AATF: variants seen among roughly 807,000 people sequenced by gnomAD.
AATF encodes apoptosis antagonizing transcription factor.
AATF carries 48 observed loss-of-function variants against 63.7 expected under a neutral mutation model. The observed-to-expected ratio is 0.75, with a 90% CI of 0.60 to 0.96. The LOEUF (loss-of-function observed/expected upper bound fraction) is 0.96, where lower values mean the gene tolerates loss of function less well. AATF is among the 40% of genes least tolerant of loss of function. The pLI, the probability that AATF is intolerant of heterozygous loss-of-function variation, is 0.00. For missense variants in AATF, 639 were observed against 685.7 expected (o/e 0.93, Z 0.76); for synonymous variants, 258 against 247.7 (o/e 1.04, Z -0.39).
chr17:37,006,763 A>G (rs1304295472), intron 8 of AATF, among the ~76,000 whole-genome samples: 1 of 152,264 alleles, frequency 6.6e-6, no homozygotes, highest in Non-Finnish European at 1.5e-5. Flanking sequence ...GTGAAATATT[A>G]TGGCCTTTGA....
chr17:37,029,098 C>G lies in AATF; in HGVS notation c.1548-2516C>G, dbSNP rs546929653. 2.0e-5 allele frequency among the ~76,000 whole-genome samples: 3 copies of G among 152,284 alleles called. No individual in the cohort carries two copies. In the South Asian group the frequency reaches 6.2e-4, roughly 32 times the overall value. On this transcript the variant is annotated intron_variant, in intron 10 of 11. Transcript: ENST00000619387. ...TGAGCCATGATCACACCACTGCACT[C>G]CAGCCTGAGCTACAAAGCCCAGACC...
chr17:37,019,746 C>T (rs1038413950), intron 9 of AATF, among the ~76,000 whole-genome samples: 1 of 152,138 alleles, frequency 6.6e-6, no homozygotes, highest in African/African-American at 2.4e-5. Context: ...GCAGAGCAGC[C>T]ATTCGAGAAA....
chr17:37,056,338 T>G lies in AATF; in HGVS notation c.1620-263T>G, dbSNP rs143199905. ...ATCTTGTTTTCTTACTTGAAGAGCC[T>G]GTCTGCAAAGGGCAAACTTACAGAA... On this transcript the variant is annotated intron_variant, in intron 11 of 11. Transcript: ENST00000619387. The G allele has an allele frequency of 1.9e-3, 908 of 466,572 alleles. 2 individuals are homozygous for G. The highest frequency in any genetic ancestry group is 0.016 in the African/African-American group (810 of 51,204). The allele number at this position is 466,572 out of a possible 1,614,324, so 28.9% of individuals were successfully genotyped here.
chr17:37,010,867 G>GA (rs1252577054), intron 8 of AATF, among the ~76,000 whole-genome samples: 4 of 152,242 alleles, frequency 2.6e-5, no homozygotes, highest in African/African-American at 4.8e-5. Flanking sequence ...CTGCAGCACA[G>GA]AGGCGGAAGG....
Position 37,056,799 on chromosome 17 carries a change from T to G in AATF, c.*135T>G, listed in dbSNP as rs1419041380. 1 of 939,024 alleles carries G rather than the reference T, an allele frequency of 1.1e-6. No homozygotes were observed. Among genetic ancestry groups the G allele is most frequent in the Non-Finnish European group, 1.6e-6 (1 of 626,044 alleles). The allele number at this position is 939,024 out of a possible 1,614,324, so 58.2% of individuals were successfully genotyped here. A position where few individuals can be genotyped will look rare whatever the true frequency, so the allele number is the denominator to read the frequency against. ...AGATGCTGCGTTCCGAACCTGTGCCTAATACACGCAAGGGCGCTGTCCCGC... is the reference window on the plus strand; with the variant it reads ...AGATGCTGCGTTCCGAACCTGTGCCGAATACACGCAAGGGCGCTGTCCCGC... On this transcript the variant is annotated 3_prime_UTR_variant, in exon 12 of 12. Transcript: ENST00000619387.
intron 8 of AATF, among the ~76,000 whole-genome samples, chr17:37,015,541 G>A (rs1043376852): frequency 2.6e-5 from 4 of 152,222 alleles, no homozygotes; most frequent in East Asian, 1.9e-4. Flanking sequence ...TTAGAGGGAC[G>A]CCTAATCCCA....
At chr17:37,030,079 G>A (rs2071541420) in intron 10 of AATF, among the ~76,000 whole-genome samples, 1 of 151,236 alleles carries the variant, frequency 6.6e-6, no homozygotes, top group African/African-American at 2.4e-5. Flanking sequence ...TTTTTTTCTG[G>A]GTTGGTGTGG....
At chr17:37,014,802 A>G (rs1166874236) in intron 8 of AATF, among the ~76,000 whole-genome samples, 1 of 152,214 alleles carries the variant, frequency 6.6e-6, no homozygotes, top group Non-Finnish European at 1.5e-5. Flanking sequence ...TGTCTTGCAA[A>G]TAAGCAAGGG....
chr17:36,959,372 G>A (rs1025775962), intron 4 of AATF, among the ~76,000 whole-genome samples: 1 of 152,192 alleles, frequency 6.6e-6, no homozygotes, highest in African/African-American at 2.4e-5. Flanking sequence ...GAACCCAGGA[G>A]GCAGAGGTTA....
rs533119072 is a variant in AATF at position 37,010,486 on chromosome 17, C to T, written c.1399-8519C>T. ...AAAATTATTATTATTATTATTTTCC[C>T]CTCTGTGTATATATGGAGCTCCTTC... On this transcript the variant is annotated intron_variant, in intron 8 of 11. Coordinates refer to ENST00000619387, the MANE Select transcript of AATF (RefSeq NM_012138.4). 1.2e-4 allele frequency among the ~76,000 whole-genome samples: 18 copies of T among 152,118 alleles called. No homozygotes were observed. In the South Asian group the frequency reaches 3.3e-3, roughly 28 times the overall value.
At chr17:37,022,976 T>A (rs1295985868) in intron 10 of AATF, among the ~76,000 whole-genome samples, 2 of 152,186 alleles carry the variant, frequency 1.3e-5, no homozygotes, top group Non-Finnish European at 2.9e-5. Flanking sequence ...TAATAGTACT[T>A]CATAGGTGAC....
chr17:36,951,063 C>T (rs2070851191), intron 2 of AATF, among the ~76,000 whole-genome samples: 1 of 152,108 alleles, frequency 6.6e-6, no homozygotes, highest in South Asian at 2.1e-4. Context: ...CCTTCTCTTC[C>T]CTGCAAAAGA....
chr17:36,950,304 C>T lies in AATF; in HGVS notation c.182C>T (p.Ser61Leu), dbSNP rs1234720643. 2.5e-6 allele frequency: 4 copies of T among 1,614,060 alleles called. No individual in the cohort carries two copies. The African/African-American group carries it at 4.0e-5, about 16-fold the overall frequency. ...GTGGGTAGCATTAGAAAACTGGCAT[C>T]AGCCTCCCTCTTGGACACGGACAAA... ...LVVGSIRKLA[S>L]ASLLDTDKRY... is the part of the protein sequence containing the mutation. The change falls in exon 2 of 12, where the codon TCA becomes TTA. Residue 61 changes from serine to leucine, a missense_variant. Coordinates refer to ENST00000619387, the MANE Select transcript of AATF (RefSeq NM_012138.4).
In AATF at chr17:36,986,679, C is replaced by T; in HGVS notation, c.895C>T (p.Gln299Ter). ...AGGTCTTCAGGAAGAGTTGCTTTTC[C>T]AGTACCCAGACACTAGATATCTAGT... is the stretch of plus-strand genomic sequence containing the variant. Reference protein sequence around the residue: ...LVGLQEELLFQYPDTRYLVDG... With the variant: ...LVGLQEELLF Residue 299 changes from glutamine (Q) to a stop codon, truncating the protein, a stop_gained, in exon 5 of 12, where the codon CAG becomes TAG. Coordinates refer to ENST00000619387, the MANE Select transcript of AATF (RefSeq NM_012138.4). LOFTEE classifies it high-confidence loss of function. 1 of 1,614,076 alleles carries T rather than the reference C, an allele frequency of 6.2e-7. No individual in the cohort carries two copies.
intron 4 of AATF, among the ~76,000 whole-genome samples, chr17:36,978,489 C>G (rs190081119): frequency 5.3e-5 from 8 of 152,056 alleles, no homozygotes; most frequent in Non-Finnish European, 1.0e-4. Context: ...GAATATAAGT[C>G]TCTACATTCT....
At chr17:37,003,130 C>T (rs533245096) in intron 8 of AATF, among the ~76,000 whole-genome samples, 10 of 152,150 alleles carry the variant, frequency 6.6e-5, no homozygotes, top group East Asian at 5.8e-4. Context: ...ATTGAGAGTC[C>T]GGAAGTTAAC....
chr17:37,037,977 TG>T (rs2071606778), intron 11 of AATF, among the ~76,000 whole-genome samples: 1 of 152,184 alleles, frequency 6.6e-6, no homozygotes. Flanking sequence ...CCTTCTGCCA[TG>T]ATTGTAAGCT....
chr17:36,964,194 G>A (rs2070972693), intron 4 of AATF, among the ~76,000 whole-genome samples: 1 of 143,572 alleles, frequency 7.0e-6, no homozygotes, highest in African/African-American at 2.6e-5. Context: ...TTTTTTTAAG[G>A]TGAAGTATCA....
intron 10 of AATF, among the ~76,000 whole-genome samples, chr17:37,023,307 T>A (rs2071486934): frequency 1.3e-5 from 2 of 152,134 alleles, no homozygotes; most frequent in African/African-American, 4.8e-5. Flanking sequence ...AATATATCAG[T>A]TTGAAAAGAA....
Sources: allele counts gnomAD v4.1 joint callset (sites outside exome capture counted in the v4.1 genomes callset), GRCh38; gene constraint gnomAD v4.1.1; transcripts MANE v1.5; gene names NCBI Gene and HGNC (gene_info 2026-07-23, HGNC 2026-07-21).